Variants in TSPAN5 observed in about 807,000 individuals in gnomAD.
TSPAN5 encodes tetraspanin 5, also known as tetraspanin-5.
A neutral mutation model predicts 37.1 loss-of-function variants in TSPAN5; 10 were observed. The ratio of observed to expected loss-of-function variants is 0.27; its 90% CI spans 0.17 to 0.46. TSPAN5 has a LOEUF of 0.46. Ranked by LOEUF, TSPAN5 falls within the 20% of genes least tolerant of loss-of-function variation. The pLI is 1.00. For missense variants in TSPAN5, 195 were observed against 326.6 expected, an observed-to-expected ratio of 0.60 and a Z score of 3.11; for synonymous variants, 110 against 118.9, an observed-to-expected ratio of 0.93 and a Z score of 0.48.
chr4:98,578,443 T>C (rs566065099), intron 1 of TSPAN5, among the ~76,000 whole-genome samples: 20 of 152,320 alleles, frequency 1.3e-4, no homozygotes, highest in Non-Finnish European at 7.3e-5. Context: ...TTTATTTTTT[T>C]GAGACAGAGT....
In TSPAN5 at chr4:98,602,796, C is replaced by T. The variant is rs79381747; in HGVS notation, c.81+55350G>A. Among the ~76,000 whole-genome samples, 812 of 152,300 alleles carry T rather than the reference C, an allele frequency of 5.3e-3. 17 individuals carry two copies. Among genetic ancestry groups the T allele is most frequent in the East Asian group, 0.041 (212 of 5,182 alleles). ...CCCTTTAAATGAAGATGCTCAAACA[C>T]GGGTGCAAGAGATGGCTGTCTCCAT... On this transcript the variant is annotated intron_variant, in intron 1 of 7. Coordinates refer to ENST00000305798, the MANE Select transcript of TSPAN5 (RefSeq NM_005723.4).
At chr4:98,591,069 GTT>G (rs200525592) in intron 1 of TSPAN5, among the ~76,000 whole-genome samples, 1 of 137,922 alleles carries the variant, frequency 7.3e-6, no homozygotes, top group African/African-American at 2.9e-5. Context: ...CCTTTTTTTT[GTT>G]TTTTTGTTTT....
chr4:98,623,732 T>C (rs1186397668), intron 1 of TSPAN5, among the ~76,000 whole-genome samples: 1 of 152,184 alleles, frequency 6.6e-6, no homozygotes, highest in Non-Finnish European at 1.5e-5. Flanking sequence ...ACCCATCCCT[T>C]ACTCCTTTGG....
chr4:98,509,909 T>C (rs1753567318), intron 1 of TSPAN5: 1 of 152,188 alleles, frequency 6.6e-6, no homozygotes, highest in South Asian at 2.1e-4. Flanking sequence ...CCCATTGACA[T>C]CAAACACAAC....
chr4:98,635,329 AGC>A (rs1756830682), intron 1 of TSPAN5, among the ~76,000 whole-genome samples: 1 of 152,210 alleles, frequency 6.6e-6, no homozygotes, highest in Non-Finnish European at 1.5e-5. Flanking sequence ...TAACTGACTT[AGC>A]ACCAAAGAGG....
rs575257325 is a variant in TSPAN5 at position 98,560,693 on chromosome 4, G to A, written c.82-52965C>T. On this transcript the variant is annotated intron_variant, in intron 1 of 7. Transcript: ENST00000305798. ...TAGAACAATGAGCAAAACAAATGCT[G>A]TGCCATCATGACACTTACATTCCTG... Among the ~76,000 whole-genome samples the A allele has an allele frequency of 1.2e-4, 18 of 152,328 alleles. 2 individuals carry two copies. The South Asian group carries it at 3.7e-3, about 32-fold the overall frequency.
chr4:98,491,444 G>T (rs906873263), intron 2 of TSPAN5, among the ~76,000 whole-genome samples: 2 of 151,972 alleles, frequency 1.3e-5, no homozygotes, highest in Non-Finnish European at 1.5e-5. Context: ...TACACAGAGG[G>T]ATTGGGAGGC....
chr4:98,498,169 C>T (rs1753258895), intron 2 of TSPAN5, among the ~76,000 whole-genome samples: 1 of 152,128 alleles, frequency 6.6e-6, no homozygotes, highest in South Asian at 2.1e-4. Flanking sequence ...TTCACCCTCA[C>T]CAGAAACCAG....
chr4:98,582,242 G>C (rs1393098476), intron 1 of TSPAN5, among the ~76,000 whole-genome samples: 1 of 152,212 alleles, frequency 6.6e-6, no homozygotes, highest in Non-Finnish European at 1.5e-5. Context: ...CGACGCAACC[G>C]CATGTTGCGT....
chr4:98,630,990 T>C (rs888693516), intron 1 of TSPAN5, among the ~76,000 whole-genome samples: 6 of 152,272 alleles, frequency 3.9e-5, no homozygotes, highest in Admixed American at 2.0e-4. Flanking sequence ...AGCAGATAGA[T>C]GAAAGGCATT....
intron 1 of TSPAN5, among the ~76,000 whole-genome samples, chr4:98,628,665 C>T (rs1247097407): frequency 6.6e-6 from 1 of 152,168 alleles, no homozygotes; most frequent in African/African-American, 2.4e-5. Flanking sequence ...CACTCCCCAT[C>T]ACTCCCTATT....
intron 1 of TSPAN5, among the ~76,000 whole-genome samples, chr4:98,536,173 A>T (rs573967534): frequency 6.6e-6 from 1 of 152,318 alleles, no homozygotes; most frequent in East Asian, 1.9e-4. Flanking sequence ...GGATTTATCC[A>T]TCTTTGGTCT....
intron 4 of TSPAN5, among the ~76,000 whole-genome samples, chr4:98,479,520 T>C (rs898340712): frequency 6.6e-6 from 1 of 152,146 alleles, no homozygotes; most frequent in African/African-American, 2.4e-5. Context: ...GAAAAGCAGA[T>C]GTTCATAGCT....
At chr4:98,513,906 ATAGT>A (rs1006218367) in intron 1 of TSPAN5, among the ~76,000 whole-genome samples, 41 of 149,676 alleles carry the variant, frequency 2.7e-4, no homozygotes, top group African/African-American at 9.9e-4. Flanking sequence ...AGATAGATAG[ATAGT>A]ATATATCAAG....
intron 1 of TSPAN5, among the ~76,000 whole-genome samples, chr4:98,607,351 G>A (rs1245938804): frequency 6.6e-6 from 1 of 152,176 alleles, no homozygotes; most frequent in Non-Finnish European, 1.5e-5. Context: ...TGTATGTTTG[G>A]TGAAAGTGTT....
At chr4:98,622,352 C>T (rs1756499954) in intron 1 of TSPAN5, among the ~76,000 whole-genome samples, 1 of 152,228 alleles carries the variant, frequency 6.6e-6, no homozygotes, top group Non-Finnish European at 1.5e-5. Flanking sequence ...GCTGGGATTA[C>T]AGGCATAAAC....
intron 1 of TSPAN5, among the ~76,000 whole-genome samples, chr4:98,548,891 G>GA (rs1754534889): frequency 7.0e-6 from 1 of 143,674 alleles, no homozygotes; most frequent in Non-Finnish European, 1.5e-5. Context: ...TCCAAGGTGT[G>GA]TGTGTGTGTG....
intron 1 of TSPAN5, among the ~76,000 whole-genome samples, chr4:98,514,661 T>A (rs1465804889): frequency 6.6e-6 from 1 of 152,212 alleles, no homozygotes; most frequent in Non-Finnish European, 1.5e-5. Context: ...CCTTTCAGTG[T>A]GGCCCGAGTG....
At chr4:98,579,556 A>C (rs1233012950) in intron 1 of TSPAN5, among the ~76,000 whole-genome samples, 1 of 152,228 alleles carries the variant, frequency 6.6e-6, no homozygotes, top group Non-Finnish European at 1.5e-5. Context: ...ACTATTTTTT[A>C]ACCATTTCTT....
Sources: gnomAD v4.1 joint callset for allele counts (sites outside exome capture counted in the v4.1 genomes callset) on GRCh38, gnomAD v4.1.1 for gene constraint, MANE v1.5 for transcripts, NCBI Gene and HGNC (gene_info 2026-07-23, HGNC 2026-07-21) for gene names.